Variants in LRRC52 observed in about 807,000 individuals in gnomAD.
LRRC52 encodes leucine rich repeat containing 52.
A neutral mutation model predicts 14.7 loss-of-function variants in LRRC52; 15 were observed. That is an observed-to-expected ratio of 1.02 (90% CI 0.68 to 1.58). The LOEUF (loss-of-function observed/expected upper bound fraction) is 1.58, where lower values mean the gene tolerates loss of function less well. LRRC52 is among the 40% of genes most tolerant of loss of function. LRRC52 has a pLI of 0.00. For missense variants in LRRC52, 400 were observed against 387.7 expected, an observed-to-expected ratio of 1.03 and a Z score of -0.27; for synonymous variants, 180 against 163.9, an observed-to-expected ratio of 1.10 and a Z score of -0.75.
At chr1:165,555,192 G>A (rs1386701293) in intron 1 of LRRC52, among the ~76,000 whole-genome samples, 1 of 152,246 alleles carries the variant, frequency 6.6e-6, no homozygotes, top group East Asian at 1.9e-4. Context: ...GAGGGGAAGA[G>A]AAGAGTGTGC....
intron 1 of LRRC52, among the ~76,000 whole-genome samples, chr1:165,561,362 A>G (rs1661338271): frequency 1.3e-5 from 2 of 152,210 alleles, no homozygotes; most frequent in African/African-American, 4.8e-5. Flanking sequence ...TTTCTCAAAT[A>G]CATCTTTCTT....
intron 1 of LRRC52, among the ~76,000 whole-genome samples, chr1:165,561,605 G>T: frequency 6.6e-6 from 1 of 152,180 alleles, no homozygotes; most frequent in East Asian, 1.9e-4. Flanking sequence ...GAGCTCTCTG[G>T]TGGGGCAGGT....
chr1:165,549,162 C>T (rs530013361), intron 1 of LRRC52, among the ~76,000 whole-genome samples: 12 of 152,284 alleles, frequency 7.9e-5, no homozygotes, highest in Non-Finnish European at 1.8e-4. Context: ...GGAACAAAAG[C>T]AGAAGCTCAA....
chr1:165,552,529 C>T (rs750582513), intron 1 of LRRC52, among the ~76,000 whole-genome samples: 1 of 152,142 alleles, frequency 6.6e-6, no homozygotes, highest in African/African-American at 2.4e-5. Context: ...AGGAAGGAAG[C>T]TCCCGTAGGC....
chr1:165,560,039 A>T (rs1455682463), intron 1 of LRRC52, among the ~76,000 whole-genome samples: 6 of 152,196 alleles, frequency 3.9e-5, no homozygotes, highest in Admixed American at 2.6e-4. Context: ...CCTAATATGC[A>T]CATCTTTGAG....
chr1:165,560,015 G>C (rs895466072), intron 1 of LRRC52, among the ~76,000 whole-genome samples: 4 of 152,146 alleles, frequency 2.6e-5, no homozygotes, highest in Admixed American at 2.0e-4. Flanking sequence ...GCACAATCTA[G>C]ACACACCAGT....
intron 1 of LRRC52, among the ~76,000 whole-genome samples, chr1:165,553,178 A>G (rs1661168927): frequency 6.6e-6 from 1 of 152,246 alleles, no homozygotes; most frequent in South Asian, 2.1e-4. Context: ...CAAGTACAGA[A>G]GCTTTGGGGA....
intron 1 of LRRC52, among the ~76,000 whole-genome samples, chr1:165,560,654 C>T (rs1041807948): frequency 6.6e-6 from 1 of 152,116 alleles, no homozygotes; most frequent in African/African-American, 2.4e-5. Context: ...GGAATAGACG[C>T]ATTTAGGCTA....
intron 1 of LRRC52, among the ~76,000 whole-genome samples, chr1:165,548,841 GA>G (rs1378326454): frequency 6.6e-6 from 1 of 152,186 alleles, no homozygotes; most frequent in African/African-American, 2.4e-5. Context: ...GGTAGATGAG[GA>G]AAGGTACAGG....
At chr1:165,561,679 A>G (rs1354140850) in intron 1 of LRRC52, among the ~76,000 whole-genome samples, 1 of 152,234 alleles carries the variant, frequency 6.6e-6, no homozygotes, top group Non-Finnish European at 1.5e-5. Flanking sequence ...CTTCCTCTGT[A>G]ATCATTACAA....
chr1:165,563,783 AC>A lies in LRRC52; in HGVS notation c.904del (p.Gln302ArgfsTer48). On this transcript the variant is annotated frameshift_variant, in exon 2 of 2. Transcript: ENST00000294818. LOFTEE classifies it low-confidence loss of function (END_TRUNC). ...GGAAGTCAGCCGGCGGATTTTTCAA[AC>A]CCAGACGAGCTCGGTCCAGGAGTTC... is the stretch of plus-strand genomic sequence containing the variant. ...RVEVSRRIFQTQTSSVQEFPQ... is the reference protein window; with the variant it reads ...RVEVSRRIFQXQTSSVQEFPQ... 1 of 1,614,034 alleles carries A rather than the reference AC, an allele frequency of 6.2e-7. No homozygotes were observed. Among genetic ancestry groups the A allele is most frequent in the Non-Finnish European group, 8.5e-7 (1 of 1,180,002 alleles).
chr1:165,551,287 C>T lies in LRRC52; in HGVS notation c.622+6369C>T, dbSNP rs1661126353. On this transcript the variant is annotated intron_variant, in intron 1 of 1. Transcript: ENST00000294818. ...TCAAACTCTAATGAGCACAAGAATCCCAGGTCCTATGCCCTGAGGTTCTGA... is the reference window on the plus strand; with the variant it reads ...TCAAACTCTAATGAGCACAAGAATCTCAGGTCCTATGCCCTGAGGTTCTGA... Among the ~76,000 whole-genome samples, 2 of 152,174 alleles carry T rather than the reference C, an allele frequency of 1.3e-5. 1 individual carries two copies. Among genetic ancestry groups the T allele is most frequent in the South Asian group, 4.1e-4 (2 of 4,828 alleles).
At chr1:165,561,618 G>A (rs1220191214) in intron 1 of LRRC52, among the ~76,000 whole-genome samples, 1 of 152,222 alleles carries the variant, frequency 6.6e-6, no homozygotes, top group Non-Finnish European at 1.5e-5. Flanking sequence ...GGGCAGGTTT[G>A]CCCTGAGGGC....
chr1:165,544,974 G>T, intron 1 of LRRC52, 56 bp downstream of exon 1: 1 of 1,587,542 alleles, frequency 6.3e-7, no homozygotes, highest in Non-Finnish European at 8.6e-7. Context: ...CTCCAGAAAA[G>T]GTGAACTCAA....
At chr1:165,548,723 A>G (rs1187175597) in intron 1 of LRRC52, among the ~76,000 whole-genome samples, 2 of 152,246 alleles carry the variant, frequency 1.3e-5, no homozygotes, top group African/African-American at 4.8e-5. Flanking sequence ...CAAGGATAAT[A>G]ATAGAACCAA....
intron 1 of LRRC52, among the ~76,000 whole-genome samples, chr1:165,546,671 T>G (rs1048135886): frequency 6.6e-6 from 1 of 152,010 alleles, no homozygotes; most frequent in Admixed American, 6.6e-5. Context: ...CCACCCCAGA[T>G]GACAAGAGTA....
Position 165,544,510 on chromosome 1 carries a change from C to T in LRRC52, c.214C>T (p.His72Tyr). 1 of 1,614,188 alleles carries T rather than the reference C, an allele frequency of 6.2e-7. No individual in the cohort carries two copies. The highest frequency in any genetic ancestry group is 8.5e-7 in the Non-Finnish European group (1 of 1,180,024). ...ENRITSLPAMHLGLLSDLVYL... is the reference protein window; with the variant it reads ...ENRITSLPAMYLGLLSDLVYL... ...CAGAATCACTAGTTTGCCAGCAATG[C>T]ATCTAGGACTCCTCAGTGACCTTGT... Residue 72 changes from histidine (H) to tyrosine (Y), a missense_variant, in exon 1 of 2, where the codon CAT becomes TAT. Physicochemically the swap from His to Tyr is moderately conservative, Grantham distance 83. Transcript: ENST00000294818.
intron 1 of LRRC52, among the ~76,000 whole-genome samples, chr1:165,548,555 T>C (rs1412801838): frequency 2.0e-5 from 3 of 152,138 alleles, no homozygotes; most frequent in Non-Finnish European, 2.9e-5. Flanking sequence ...CTCCAAGAGA[T>C]GAAGGACAGT....
chr1:165,548,998 T>C (rs1441189519), intron 1 of LRRC52, among the ~76,000 whole-genome samples: 1 of 152,198 alleles, frequency 6.6e-6, no homozygotes, highest in Admixed American at 6.5e-5. Context: ...GGAATATAGA[T>C]AGAATGTGGG....
Sources: gnomAD v4.1 joint callset for allele counts (sites outside exome capture counted in the v4.1 genomes callset) on GRCh38, gnomAD v4.1.1 for gene constraint, MANE v1.5 for transcripts, NCBI Gene and HGNC (gene_info 2026-07-23, HGNC 2026-07-21) for gene names.